ACOT12: variants seen among roughly 807,000 people sequenced by gnomAD.
ACOT12 encodes the protein acetyl-coenzyme A thioesterase.
A neutral mutation model predicts 67.7 loss-of-function variants in ACOT12; 51 were observed. The observed-to-expected ratio is 0.75, with a 90% CI of 0.60 to 0.95. The LOEUF (loss-of-function observed/expected upper bound fraction) is 0.95, where lower values mean the gene tolerates loss of function less well. Ranked by LOEUF, ACOT12 falls within the 40% of genes least tolerant of loss-of-function variation. The pLI, the probability that ACOT12 is intolerant of heterozygous loss-of-function variation, is 0.00. For synonymous variants in ACOT12, 251 were observed against 244.6 expected, an observed-to-expected ratio of 1.03 and a Z score of -0.24; for missense variants, 734 against 708.1, an observed-to-expected ratio of 1.04 and a Z score of -0.41.
intron 6 of ACOT12, among the ~76,000 whole-genome samples, chr5:81,346,712 T>A (rs1759392141): frequency 6.6e-6 from 1 of 152,242 alleles, no homozygotes; most frequent in Non-Finnish European, 1.5e-5. Context: ...TCACTAAGAA[T>A]GACAATCTCA....
rs779986278 is a variant in ACOT12, at chr5:81,371,724, C to A, written c.258+26G>T. On this transcript the variant is annotated intron_variant, in intron 3 of 14. Transcript: ENST00000307624. ...CAATGAAGAAGTGAGCACCAACAGGCAGATGTTTGAAAAGGTGCCTCTTAC... is the reference window on the plus strand; with the variant it reads ...CAATGAAGAAGTGAGCACCAACAGGAAGATGTTTGAAAAGGTGCCTCTTAC... 12 of 1,608,740 alleles carry A rather than the reference C, an allele frequency of 7.5e-6. No individual in the cohort carries two copies. The East Asian group carries it at 2.7e-4, about 36-fold the overall frequency.
intron 5 of ACOT12, among the ~76,000 whole-genome samples, chr5:81,351,527 G>A (rs1350815827): frequency 6.6e-6 from 1 of 152,164 alleles, no homozygotes; most frequent in Non-Finnish European, 1.5e-5. Flanking sequence ...TCAATAAATG[G>A]TGCTGGGAAA....
the ACOT12 span, among the ~76,000 whole-genome samples, chr5:81,313,531 T>C: frequency 6.6e-6 from 1 of 152,208 alleles, no homozygotes; most frequent in Non-Finnish European, 1.5e-5. Flanking sequence ...AGAACACTAA[T>C]CAGAGACCCA....
chr5:81,323,941 T>TAC, the ACOT12 span, among the ~76,000 whole-genome samples: 1 of 147,800 alleles, frequency 6.8e-6, no homozygotes, highest in African/African-American at 2.5e-5. Context: ...CATATATGTG[T>TAC]ATATATATAT....
At chr5:81,323,882 ATG>A in the ACOT12 span, among the ~76,000 whole-genome samples, 6 of 140,426 alleles carry the variant, frequency 4.3e-5, no homozygotes, top group African/African-American at 1.5e-4. Flanking sequence ...ATGTGTATAT[ATG>A]TATACATATA....
chr5:81,335,571 C>T (rs976703441), intron 12 of ACOT12, among the ~76,000 whole-genome samples, 197 bp downstream of exon 12: 1 of 152,062 alleles, frequency 6.6e-6, no homozygotes, highest in Non-Finnish European at 1.5e-5. Context: ...CACCATGTTG[C>T]CCAGGCTGGT....
chr5:81,338,358 T>G (rs1180269960), intron 11 of ACOT12, among the ~76,000 whole-genome samples: 1 of 152,182 alleles, frequency 6.6e-6, no homozygotes, highest in East Asian at 1.9e-4. Flanking sequence ...GGGAGTGGAC[T>G]TCCCCCTTGC....
rs772942597 is a variant in ACOT12 at position 81,343,856 on chromosome 5, C to A, written c.1006G>T (p.Glu336Ter). 1.9e-6 allele frequency: 3 copies of A among 1,613,268 alleles called. No individual in the cohort carries two copies. The highest frequency in any genetic ancestry group is 1.1e-5 in the South Asian group (1 of 90,700). The change falls in exon 10 of 15, where the codon GAG becomes TAG. Residue 336 changes from glutamate to a stop codon, truncating the protein, a stop_gained. Coordinates refer to ENST00000307624, the MANE Select transcript of ACOT12 (RefSeq NM_130767.3). LOFTEE classifies it high-confidence loss of function. The stretch of plus-strand genomic sequence containing the variant: ...TCCCAGTGTATGCAAAGTGGAACCT[C>A]TTCTTTGTGGGAAATAACATATTTT... Reference protein sequence around the residue: ...GRKYVISHKEEVPLCIHWDIS... With the variant: ...GRKYVISHKE
rs1174483900 is a variant in ACOT12, at chr5:81,342,658, T to C, written c.1128+14A>G. The C allele has an allele frequency of 1.9e-6, 3 of 1,613,736 alleles. No homozygotes were observed. In the African/African-American group the frequency reaches 4.0e-5, roughly 22 times the overall value. On this transcript the variant is annotated intron_variant, in intron 11 of 14. Coordinates refer to ENST00000307624, the MANE Select transcript of ACOT12 (RefSeq NM_130767.3). The stretch of plus-strand genomic sequence containing the variant: ...ATGGGCGATGGATTATGCAAATACC[T>C]GGAAGTGTCCTACCTTTTCCACAGT...
chr5:81,393,862 C>T (rs1311121621), intron 1 of ACOT12, 126 bp downstream of exon 1: 2 of 1,093,094 alleles, frequency 1.8e-6, no homozygotes, highest in African/African-American at 3.3e-5. Context: ...CACCCCTATC[C>T]CTGGCTGCGC....
intron 11 of ACOT12, among the ~76,000 whole-genome samples, chr5:81,340,451 G>A (rs566897973): frequency 7.9e-5 from 12 of 151,876 alleles, no homozygotes; most frequent in South Asian, 2.1e-4. Context: ...AACCTCTGCC[G>A]CCCAGGTTCA....
chr5:81,372,648 G>T (rs568437324), intron 2 of ACOT12, among the ~76,000 whole-genome samples: 2 of 152,236 alleles, frequency 1.3e-5, no homozygotes, highest in Admixed American at 1.3e-4. Flanking sequence ...CTATGACAAT[G>T]CTCAAAGCTT....
intron 5 of ACOT12, among the ~76,000 whole-genome samples, chr5:81,351,186 T>C (rs1183580867): frequency 6.6e-6 from 1 of 152,242 alleles, no homozygotes; most frequent in African/African-American, 2.4e-5. Flanking sequence ...ATACACAATC[T>C]TAATCCCTTT....
At position 81,383,060 on chromosome 5, in the gene ACOT12, G is replaced by A. The variant is rs574419154; in HGVS notation, c.197+2697C>T. Reference sequence around the variant, plus strand: ...GAATGGTTGTAGTCTATGATCATTAGATATCATATGGCCTTGACATGAGAA... The same window carrying A: ...GAATGGTTGTAGTCTATGATCATTAAATATCATATGGCCTTGACATGAGAA... On this transcript the variant is annotated intron_variant, in intron 2 of 14. Transcript: ENST00000307624. Among the ~76,000 whole-genome samples the A allele has an allele frequency of 2.6e-5, 4 of 152,242 alleles. No homozygotes were observed. In the South Asian group the frequency reaches 8.3e-4, roughly 32 times the overall value.
rs560037959 is a variant in ACOT12 at position 81,359,635 on chromosome 5, C to T, written c.496+268G>A. ...TTCATTCAGCCATCATTAGTGAATA[C>T]ATGCTTACTAATGACTGCCTGGTCC... On this transcript the variant is annotated intron_variant, in intron 5 of 14. Transcript: ENST00000307624. 2.0e-5 allele frequency among the ~76,000 whole-genome samples: 3 copies of T among 152,330 alleles called. No individual in the cohort carries two copies. The South Asian group carries it at 6.2e-4, about 32-fold the overall frequency.
intron 9 of ACOT12, 127 bp downstream of exon 9, chr5:81,344,033 T>G: frequency 8.0e-7 from 1 of 1,257,038 alleles, no homozygotes; most frequent in Non-Finnish European, 1.1e-6. Context: ...AGTCAGCCTT[T>G]GCGGCCAGGA....
chr5:81,344,382 A>G (rs1416693506), intron 8 of ACOT12, among the ~76,000 whole-genome samples, 167 bp from the exon 9 acceptor site: 1 of 152,248 alleles, frequency 6.6e-6, no homozygotes, highest in Non-Finnish European at 1.5e-5. Flanking sequence ...TGCTGAATCC[A>G]CAAAGGGCAG....
chr5:81,322,710 C>T, the ACOT12 span, among the ~76,000 whole-genome samples: 1 of 152,100 alleles, frequency 6.6e-6, no homozygotes, highest in African/African-American at 2.4e-5. Flanking sequence ...TTTAATTACT[C>T]ACAGTTCTGC....
chr5:81,370,058 A>G (rs1375442663), intron 3 of ACOT12, among the ~76,000 whole-genome samples: 3 of 152,204 alleles, frequency 2.0e-5, no homozygotes, highest in South Asian at 2.1e-4. Context: ...CAAGGTGGGC[A>G]GATCATGAGG....
Sources: allele counts gnomAD v4.1 joint callset (sites outside exome capture counted in the v4.1 genomes callset), GRCh38; gene constraint gnomAD v4.1.1; transcripts MANE v1.5; gene names NCBI Gene and HGNC (gene_info 2026-07-23, HGNC 2026-07-21).